The following SPAG6 variants were observed in gnomAD, a reference collection of about 807,000 sequenced individuals.
The protein encoded by SPAG6 is sperm associated antigen 6.
SPAG6 carries 49 observed loss-of-function variants against 58.5 expected under a neutral mutation model. The ratio of observed to expected loss-of-function variants is 0.84; its 90% confidence interval spans 0.67 to 1.06. The LOEUF (loss-of-function observed/expected upper bound fraction) is 1.06. SPAG6 is among the 50% of genes least tolerant of loss of function. SPAG6 has a pLI of 0.00. For missense variants in SPAG6, 560 were observed against 611.3 expected, an observed-to-expected ratio of 0.92 and a Z score of 0.89; for synonymous variants, 233 against 225.6, an observed-to-expected ratio of 1.03 and a Z score of -0.29.
chr10:22,397,802 G>C (rs1834330874), intron 8 of SPAG6, among the ~76,000 whole-genome samples: 1 of 151,990 alleles, frequency 6.6e-6, no homozygotes. Flanking sequence ...TCATGGACTG[G>C]AAGACTCAAT....
At chr10:22,401,380 G>GC (rs1368067942) in intron 9 of SPAG6, 103 bp downstream of exon 9, 1 of 679,988 alleles carries the variant, frequency 1.5e-6, no homozygotes, top group Non-Finnish European at 2.6e-6. Flanking sequence ...ACGGGGTCAT[G>GC]GTTTTACTGC....
intron 8 of SPAG6, among the ~76,000 whole-genome samples, chr10:22,398,194 CA>C (rs1203905459): frequency 6.6e-6 from 1 of 152,172 alleles, no homozygotes; most frequent in African/African-American, 2.4e-5. Context: ...ATTGTATCCT[CA>C]AGTAAAAATA....
At chr10:22,395,881 G>T (rs955343929) in intron 8 of SPAG6, among the ~76,000 whole-genome samples, 4 of 152,132 alleles carry the variant, frequency 2.6e-5, no homozygotes, top group African/African-American at 7.2e-5. Context: ...TTTCTGAAAA[G>T]AATTTTTAAA....
In SPAG6 at chr10:22,382,080, G is replaced by T. The variant is rs137913678; in HGVS notation, c.473-4674G>T. Among the ~76,000 whole-genome samples, 6 of 152,290 alleles carry T rather than the reference G, an allele frequency of 3.9e-5. No homozygotes were observed. In the East Asian group the frequency reaches 1.2e-3, roughly 29 times the overall value. ...GCAACTGTGTGAGAAGCAAAGTCTT[G>T]TCACCCCAAGTTTTTACGGATCAAA... On this transcript the variant is annotated intron_variant, in intron 4 of 10. Coordinates refer to ENST00000376624, the MANE Select transcript of SPAG6 (RefSeq NM_012443.4).
At position 22,391,794 on chromosome 10, in the gene SPAG6, T is replaced by C; in HGVS notation, c.1071T>C (p.Ala357=). 2 of 1,613,636 alleles carry C rather than the reference T, an allele frequency of 1.2e-6. No homozygotes were observed. The highest frequency in any genetic ancestry group is 1.7e-6 in the Non-Finnish European group (2 of 1,179,756). Residue 357 remains alanine, a synonymous_variant, in exon 8 of 11, where the codon GCT becomes GCC. Transcript: ENST00000376624. ...EPEDHIKAAA[A]WALGQIGRHT... ...AAGATCATATTAAGGCTGCAGCTGC[T>C]TGGGCCTTAGGACAGATTGGAAGAC...
intron 10 of SPAG6, among the ~76,000 whole-genome samples, chr10:22,414,915 C>T (rs1040709082): frequency 3.3e-5 from 5 of 152,116 alleles, no homozygotes; most frequent in Admixed American, 1.3e-4. Context: ...TACAGGCATG[C>T]GCCACCATGC....
At chr10:22,413,103 C>G (rs984302552) in intron 10 of SPAG6, 1 of 144,486 alleles carries the variant, frequency 6.9e-6, no homozygotes, top group Admixed American at 6.8e-5. Context: ...TAAAGTGTCC[C>G]CAGAATGAAT....
intron 8 of SPAG6, among the ~76,000 whole-genome samples, chr10:22,397,033 T>C (rs75239179): frequency 2.6e-5 from 4 of 152,210 alleles, no homozygotes; most frequent in African/African-American, 7.2e-5. Flanking sequence ...GAGAGTTTTT[T>C]TGACCCCATA....
intron 8 of SPAG6, among the ~76,000 whole-genome samples, chr10:22,396,498 G>A (rs767257649): frequency 1.3e-5 from 2 of 152,072 alleles, no homozygotes; most frequent in African/African-American, 4.8e-5. Context: ...TTTATCAGCT[G>A]CATGAAAACA....
chr10:22,384,975 C>T (rs1010416102), intron 4 of SPAG6, among the ~76,000 whole-genome samples: 29 of 151,670 alleles, frequency 1.9e-4, no homozygotes, highest in African/African-American at 6.1e-4. Flanking sequence ...ATTCTTTACT[C>T]GTAGAAACTG....
chr10:22,357,355 A>C (rs1419416364), intron 2 of SPAG6, among the ~76,000 whole-genome samples: 1 of 152,144 alleles, frequency 6.6e-6, no homozygotes, highest in Non-Finnish European at 1.5e-5. Context: ...GAGGTCAAGG[A>C]CAATTGTGTT....
At chr10:22,395,283 T>A (rs1477644232) in intron 8 of SPAG6, among the ~76,000 whole-genome samples, 31 of 152,230 alleles carry the variant, frequency 2.0e-4, no homozygotes, top group Admixed American at 2.0e-3. Flanking sequence ...AACTGCTGGG[T>A]CAATAGATAA....
At chr10:22,361,813 T>C (rs976296683) in intron 2 of SPAG6, among the ~76,000 whole-genome samples, 3 of 151,868 alleles carry the variant, frequency 2.0e-5, no homozygotes, top group African/African-American at 7.2e-5. Context: ...ATAGATTAAA[T>C]ACTATAATAA....
At chr10:22,359,178 A>C (rs1836959586) in intron 2 of SPAG6, among the ~76,000 whole-genome samples, 2 of 152,184 alleles carry the variant, frequency 1.3e-5, no homozygotes, top group South Asian at 4.1e-4. Flanking sequence ...TCAGATGGTA[A>C]TATTGACAGT....
chr10:22,371,065 C>T (rs1008646070), intron 4 of SPAG6, among the ~76,000 whole-genome samples: 4 of 152,132 alleles, frequency 2.6e-5, no homozygotes, highest in Non-Finnish European at 4.4e-5. Flanking sequence ...TTGGTATAAT[C>T]TGGCTCCCAC....
At chr10:22,414,620 A>G (rs1682869359) in intron 10 of SPAG6, among the ~76,000 whole-genome samples, 1 of 152,176 alleles carries the variant, frequency 6.6e-6, no homozygotes, top group Admixed American at 6.5e-5. Flanking sequence ...AAAAATGGCT[A>G]GTATGTCTGT....
chr10:22,381,430 T>A (rs1158264360), intron 4 of SPAG6, among the ~76,000 whole-genome samples: 1 of 151,168 alleles, frequency 6.6e-6, no homozygotes, highest in Non-Finnish European at 1.5e-5. Context: ...ATAGCAACAC[T>A]GGGCTGAAAT....
chr10:22,375,919 T>G (rs1351871034), intron 4 of SPAG6, among the ~76,000 whole-genome samples: 1 of 152,104 alleles, frequency 6.6e-6, no homozygotes, highest in Non-Finnish European at 1.5e-5. Flanking sequence ...GCGTTTTTGG[T>G]GTCACTGTGC....
In SPAG6 at chr10:22,416,688, A is replaced by T; in HGVS notation, c.1530A>T (p.Ter510CysextTer20). 2 of 1,580,554 alleles carry T rather than the reference A, an allele frequency of 1.3e-6. No individual in the cohort carries two copies. Among genetic ancestry groups the T allele is most frequent in the Non-Finnish European group, 1.7e-6 (2 of 1,150,002 alleles). The change falls in exon 11 of 11, where the codon TGA becomes TGT. Residue 510 changes from the stop codon to cysteine, a stop_lost. Transcript: ENST00000376624. The stretch of plus-strand genomic sequence containing the variant: ...ACAGCTATCAACCACTTAATAACTG[A>T]GCAAAGTTATATTGTGATACTCAAA... ...RVDSYQPLNN[*>C]
Sources: allele counts gnomAD v4.1 joint callset (sites outside exome capture counted in the v4.1 genomes callset), GRCh38; gene constraint gnomAD v4.1.1; transcripts MANE v1.5; gene names NCBI Gene and HGNC (gene_info 2026-07-23, HGNC 2026-07-21).